SLC20A2: variants seen among roughly 807,000 people sequenced by gnomAD.
SLC20A2 encodes the protein solute carrier family 20 member 2, also known as sodium-dependent phosphate transporter 2.
A neutral mutation model predicts 61.0 loss-of-function variants in SLC20A2; 30 were observed. That is an observed-to-expected ratio of 0.49 (90% CI 0.37 to 0.67). The LOEUF is 0.67. SLC20A2 is among the 30% of genes least tolerant of loss of function. The probability of loss-of-function intolerance (pLI) is 0.00; values close to 1 mark genes in which losing one functional copy is unlikely to be tolerated. For missense variants in SLC20A2, 626 were observed against 866.4 expected (o/e 0.72, Z 3.48); for synonymous variants, 351 against 353.3 (o/e 0.99, Z 0.07).
At chr8:42,469,555 G>A (rs374389248) in intron 2 of SLC20A2, among the ~76,000 whole-genome samples, 17 of 152,144 alleles carry the variant, frequency 1.1e-4, no homozygotes, top group African/African-American at 3.6e-4. Context: ...GGTCTTCAGC[G>A]TGGCTTCCCT....
At chr8:42,452,006 GGAGGAGGAAGAGATGAAGAGGAA>G (rs1563473773) in intron 5 of SLC20A2, among the ~76,000 whole-genome samples, 9 of 112,074 alleles carry the variant, frequency 8.0e-5, no homozygotes, top group South Asian at 3.0e-4. Flanking sequence ...ATGAAGAGGA[GGAGGAGGAAGAGATGAAGAGGAA>G]GAGGAGGAAG....
chr8:42,417,892 C>G lies in SLC20A2; in HGVS notation c.1870G>C (p.Val624Leu). ...VDWRLFRNIF[V>L]AWFVTVPVAG... Reference sequence around the variant, plus strand: ...ACAGGGACGGTCACGAACCAGGCCACGAAGATGTTCCGAAAGAGGCGCCAG... The same window carrying G: ...ACAGGGACGGTCACGAACCAGGCCAGGAAGATGTTCCGAAAGAGGCGCCAG... The change falls in exon 11 of 11, where the codon GTG (valine) becomes CTG (leucine). Residue 624 changes from valine (V) to leucine (L), a missense_variant. Physicochemically the swap from Val to Leu is conservative, Grantham distance 32. This residue lies in a region of SLC20A2 where 138 missense variants were observed against 228.7 expected (regional missense o/e 0.60). Coordinates refer to ENST00000520262, the MANE Select transcript of SLC20A2 (RefSeq NM_001257180.2). 2 of 1,614,004 alleles carry G rather than the reference C, an allele frequency of 1.2e-6. No individual in the cohort carries two copies. Among genetic ancestry groups the G allele is most frequent in the Non-Finnish European group, 1.7e-6 (2 of 1,179,970 alleles).
intron 1 of SLC20A2, chr8:42,484,712 T>A: frequency 2.6e-6 from 1 of 383,114 alleles, no homozygotes; most frequent in South Asian, 2.4e-5. Flanking sequence ...GTGGGTGTGG[T>A]CTATGGCTGG....
chr8:42,514,403 G>C (rs1402149764), intron 1 of SLC20A2, among the ~76,000 whole-genome samples: 1 of 151,438 alleles, frequency 6.6e-6, no homozygotes, highest in Admixed American at 6.6e-5. Context: ...CAAGAGATAA[G>C]AGTAATTATT....
chr8:42,419,094 C>T (rs1467621242), intron 10 of SLC20A2, among the ~76,000 whole-genome samples: 1 of 150,344 alleles, frequency 6.7e-6, no homozygotes, highest in Non-Finnish European at 1.5e-5. Context: ...TAATTCAAAA[C>T]TTAGAGAAAA....
chr8:42,461,787 C>T (rs984117988), intron 4 of SLC20A2, among the ~76,000 whole-genome samples: 1 of 152,118 alleles, frequency 6.6e-6, no homozygotes, highest in African/African-American at 2.4e-5. Context: ...TTCTTTCTCT[C>T]TCTCCCTCCC....
At chr8:42,524,835 T>A (rs559567163) in intron 1 of SLC20A2, among the ~76,000 whole-genome samples, 1 of 151,948 alleles carries the variant, frequency 6.6e-6, no homozygotes, top group African/African-American at 2.4e-5. Context: ...AATATACCCA[T>A]GTAACAAGAA....
chr8:42,522,126 A>G (rs1811636862), intron 1 of SLC20A2, among the ~76,000 whole-genome samples: 1 of 121,450 alleles, frequency 8.2e-6, no homozygotes. Flanking sequence ...GTAAAGGGGA[A>G]AGATGCAAAT....
chr8:42,430,231 C>T lies in SLC20A2; in HGVS notation c.1542G>A (p.Leu514=). 1 of 1,612,276 alleles carries T rather than the reference C, an allele frequency of 6.2e-7. No homozygotes were observed. The highest frequency in any genetic ancestry group is 1.1e-5 in the South Asian group (1 of 90,696). Residue 514 remains leucine, a synonymous_variant, in exon 9 of 11, where the codon CTG becomes CTA. Transcript: ENST00000520262. ...GNDVSNAIGP[L]VALWLIYKQG... is the part of the protein sequence containing the mutation. ...GTTTGTAAATCAGCCACAAGGCTAC[C>T]AGGGGACCGATGGCATTACTGGGAA...
chr8:42,468,343 G>A (rs1265476702), intron 2 of SLC20A2, among the ~76,000 whole-genome samples: 2 of 152,216 alleles, frequency 1.3e-5, no homozygotes, highest in Non-Finnish European at 2.9e-5. Context: ...CCTGGAGGAG[G>A]AGAGTTTGTA....
intron 1 of SLC20A2, among the ~76,000 whole-genome samples, chr8:42,539,957 T>C (rs183573804): frequency 6.6e-6 from 1 of 152,342 alleles, no homozygotes; most frequent in East Asian, 1.9e-4. Flanking sequence ...ACATTTTATA[T>C]TGCCAACACT....
At chr8:42,508,996 T>C (rs1256071979) in intron 1 of SLC20A2, among the ~76,000 whole-genome samples, 1 of 152,230 alleles carries the variant, frequency 6.6e-6, no homozygotes, top group Non-Finnish European at 1.5e-5. Flanking sequence ...ACTTTCTCAC[T>C]GTGCCTTCAT....
rs1253158584 is a variant in SLC20A2, at chr8:42,437,851, T to C, written c.935-274A>G. On this transcript the variant is annotated intron_variant, in intron 7 of 10. Coordinates refer to ENST00000520262, the MANE Select transcript of SLC20A2 (RefSeq NM_001257180.2). This position sits in a 1 kb window ranked among gnomAD's most constrained non-coding sequence, Gnocchi z 6.4. Reference sequence around the variant, plus strand: ...GGATGGTCTCAAGCTCCTAACCTCATGATCCGCCCACCTTGGCCTCCTAAA... The same window carrying C: ...GGATGGTCTCAAGCTCCTAACCTCACGATCCGCCCACCTTGGCCTCCTAAA... Among the ~76,000 whole-genome samples, 1 of 151,726 alleles carries C rather than the reference T, an allele frequency of 6.6e-6. No homozygotes were observed. The highest frequency in any genetic ancestry group is 1.5e-5 in the Non-Finnish European group (1 of 67,856).
chr8:42,475,821 T>A (rs1808039945), intron 1 of SLC20A2, among the ~76,000 whole-genome samples: 1 of 150,448 alleles, frequency 6.6e-6, no homozygotes, highest in East Asian at 2.0e-4. Flanking sequence ...AGATGAGGCA[T>A]CCGGGACCAG....
chr8:42,453,752 C>A (rs1198774139), intron 5 of SLC20A2, among the ~76,000 whole-genome samples: 1 of 152,198 alleles, frequency 6.6e-6, no homozygotes, highest in Non-Finnish European at 1.5e-5. Flanking sequence ...AGAGCCATGA[C>A]CTTCTCCTCT....
intron 1 of SLC20A2, among the ~76,000 whole-genome samples, chr8:42,529,846 T>A (rs1398706605): frequency 3.9e-5 from 6 of 152,214 alleles, no homozygotes; most frequent in African/African-American, 1.4e-4. Flanking sequence ...TCTCTCTGAA[T>A]CGATACAAAA....
intron 1 of SLC20A2, among the ~76,000 whole-genome samples, chr8:42,525,188 G>C (rs1375414258): frequency 6.6e-6 from 1 of 152,204 alleles, no homozygotes; most frequent in African/African-American, 2.4e-5. Context: ...ACAGAAAAAG[G>C]AAGGGAGGCA....
chr8:42,476,379 A>C (rs1004499775), intron 1 of SLC20A2, among the ~76,000 whole-genome samples: 4 of 152,072 alleles, frequency 2.6e-5, no homozygotes, highest in African/African-American at 9.7e-5. Flanking sequence ...CTGGGATTAC[A>C]GGCTTGAGCC....
chr8:42,472,032 T>G lies in SLC20A2; in HGVS notation c.289+70A>C. ...AAAGCAAAAATCACATTTATGGATA[T>G]GGGCAAAGTACTGCAGGGAAGCGGG... is the stretch of plus-strand genomic sequence containing the variant. On this transcript the variant is annotated intron_variant, in intron 2 of 10. Coordinates refer to ENST00000520262, the MANE Select transcript of SLC20A2 (RefSeq NM_001257180.2). This position sits in a 1 kb window ranked among gnomAD's most constrained non-coding sequence, Gnocchi z 4.1. 1 of 1,396,788 alleles carries G rather than the reference T, an allele frequency of 7.2e-7. No individual in the cohort carries two copies. The highest frequency in any genetic ancestry group is 9.9e-7 in the Non-Finnish European group (1 of 1,009,806). 86.5% of individuals were successfully genotyped at this position (1,396,788 alleles called of 1,614,324 possible).
Sources: allele counts gnomAD v4.1 joint callset (sites outside exome capture counted in the v4.1 genomes callset), GRCh38; gene constraint gnomAD v4.1.1; regional missense constraint gnomAD v4.1.1; non-coding constraint Gnocchi (gnomAD v3.1); transcripts MANE v1.5; gene names NCBI Gene and HGNC (gene_info 2026-07-23, HGNC 2026-07-21).